The following RAD51B variants were observed in gnomAD, a reference collection of about 807,000 sequenced individuals.
The protein encoded by RAD51B is DNA repair protein RAD51 homolog 2.
Under a neutral mutation model 42.2 loss-of-function variants are expected in RAD51B, and 38 were observed. That is an observed-to-expected ratio of 0.90 (90% confidence interval 0.70 to 1.18). The LOEUF (loss-of-function observed/expected upper bound fraction) is 1.18, where lower values mean the gene tolerates loss of function less well. Ranked by LOEUF, RAD51B falls within the 50% of genes most tolerant of loss-of-function variation. The pLI, the probability that RAD51B is intolerant of heterozygous loss-of-function variation, is 0.00. For synonymous variants in RAD51B, 154 were observed against 145.2 expected (o/e 1.06, Z -0.43); for missense variants, 373 against 400.7 (o/e 0.93, Z 0.59).
chr14:67,882,399 T>C (rs1340502700), intron 5 of RAD51B, among the ~76,000 whole-genome samples: 3 of 152,210 alleles, frequency 2.0e-5, no homozygotes, highest in African/African-American at 7.2e-5. Flanking sequence ...ATCCCAGAAC[T>C]CAGTCCTAGG....
At chr14:68,207,760 A>G (rs1244088201) in intron 7 of RAD51B, among the ~76,000 whole-genome samples, 1 of 152,204 alleles carries the variant, frequency 6.6e-6, no homozygotes, top group Non-Finnish European at 1.5e-5. Context: ...AGAATAGTCA[A>G]GGAAAATTGA....
At chr14:68,450,041 G>A (rs895574454) in intron 9 of RAD51B, among the ~76,000 whole-genome samples, 8 of 152,022 alleles carry the variant, frequency 5.3e-5, no homozygotes, top group African/African-American at 1.9e-4. Flanking sequence ...GGGTACCCTA[G>A]GGGAACAAAG....
rs17828229 is a variant in RAD51B, at chr14:68,350,216, C to T, written c.853+58236C>T. ...GAACTAGACTATTAGGGCTTGTTAACGCTGGATAAACTTGAGCCCTATAAC... is the reference window on the plus strand; with the variant it reads ...GAACTAGACTATTAGGGCTTGTTAATGCTGGATAAACTTGAGCCCTATAAC... On this transcript the variant is annotated intron_variant, in intron 8 of 10. Transcript: ENST00000471583. Among the ~76,000 whole-genome samples, 681 of 152,298 alleles carry T rather than the reference C, an allele frequency of 4.5e-3. 2 individuals carry two copies. Among genetic ancestry groups the T allele is most frequent in the Non-Finnish European group, 7.3e-3 (496 of 68,028 alleles).
At chr14:67,848,721 C>T (rs890836547) in intron 4 of RAD51B, among the ~76,000 whole-genome samples, 4 of 152,090 alleles carry the variant, frequency 2.6e-5, no homozygotes, top group South Asian at 2.1e-4. Context: ...TAGCAGGTGT[C>T]GTTCTTACCA....
At chr14:68,108,861 T>C (rs2077417503) in intron 7 of RAD51B, among the ~76,000 whole-genome samples, 1 of 151,966 alleles carries the variant, frequency 6.6e-6, no homozygotes, top group African/African-American at 2.4e-5. Context: ...ACTTCAATTA[T>C]CTGTTTGTGT....
chr14:68,316,863 C>G (rs1327197062), intron 8 of RAD51B, among the ~76,000 whole-genome samples: 5 of 151,918 alleles, frequency 3.3e-5, no homozygotes, highest in Non-Finnish European at 7.4e-5. Flanking sequence ...TAAAATTCAC[C>G]CATTGTAAGT....
chr14:68,661,886 GTCC>G (rs2140146695), intron 11 of RAD51B, among the ~76,000 whole-genome samples: 1 of 152,256 alleles, frequency 6.6e-6, no homozygotes, highest in East Asian at 1.9e-4. Context: ...CTCTCTTTCT[GTCC>G]TCCACCAACA....
At chr14:68,392,929 G>A (rs1415696973) in intron 8 of RAD51B, among the ~76,000 whole-genome samples, 2 of 152,204 alleles carry the variant, frequency 1.3e-5, no homozygotes, top group African/African-American at 4.8e-5. Context: ...CATAGGACAT[G>A]TGTGTGTTTG....
chr14:68,562,810 C>T, intron 10 of RAD51B: 1 of 985,342 alleles, frequency 1.0e-6, no homozygotes, highest in Non-Finnish European at 1.2e-6. Context: ...ACAGACATCA[C>T]AAGGTAAGTA....
At chr14:68,511,624 C>A (rs574976109) in intron 10 of RAD51B, among the ~76,000 whole-genome samples, 18 of 152,312 alleles carry the variant, frequency 1.2e-4, no homozygotes, top group African/African-American at 4.3e-4. Context: ...GACCAGCAGA[C>A]CTTGCTCTCA....
In RAD51B at chr14:68,020,675, ATGT is replaced by A. The variant is rs34387323; in HGVS notation, c.756+133477_756+133479del. Among the ~76,000 whole-genome samples, 564 of 152,206 alleles carry A rather than the reference ATGT, an allele frequency of 3.7e-3. 2 individuals are homozygous for A. Among genetic ancestry groups the A allele is most frequent in the Non-Finnish European group, 6.3e-3 (428 of 68,000 alleles). On this transcript the variant is annotated intron_variant, in intron 7 of 10. Coordinates refer to ENST00000471583, the MANE Select transcript of RAD51B (RefSeq NM_133510.4). ...GGATGATGAAAAGGTTCTGAGATGGATGTTGTTGGTTGCGCAAGACTGTGAATA... is the reference window on the plus strand; with the variant it reads ...GGATGATGAAAAGGTTCTGAGATGGATGTTGGTTGCGCAAGACTGTGAATA...
exon 11 of RAD51B, chr14:68,595,483 A>T: frequency 7.5e-6 from 8 of 1,066,748 alleles, no homozygotes; most frequent in Non-Finnish European, 8.0e-6. Context: ...TCCTAGCTTG[A>T]GTAGATTAAA....
chr14:68,453,971 A>C (rs1393186902), intron 9 of RAD51B, among the ~76,000 whole-genome samples: 1 of 152,230 alleles, frequency 6.6e-6, no homozygotes, highest in African/African-American at 2.4e-5. Context: ...ATTTCCTCAG[A>C]GAGTTAAAGA....
intron 7 of RAD51B, among the ~76,000 whole-genome samples, chr14:68,188,457 A>G (rs2079200826): frequency 6.6e-6 from 1 of 151,572 alleles, no homozygotes; most frequent in African/African-American, 2.4e-5. Flanking sequence ...TTAGGTAAGA[A>G]AGAGTTTTTT....
At chr14:68,195,441 T>C (rs928221433) in intron 7 of RAD51B, among the ~76,000 whole-genome samples, 2 of 152,076 alleles carry the variant, frequency 1.3e-5, no homozygotes, top group African/African-American at 4.8e-5. Flanking sequence ...CTTACTTACC[T>C]CTAATTAACA....
intron 7 of RAD51B, among the ~76,000 whole-genome samples, chr14:68,156,455 T>TTCTCTCTCTCTCTCTCTCTCTCGC (rs2078508772): frequency 8.8e-6 from 1 of 114,266 alleles, no homozygotes; most frequent in African/African-American, 3.5e-5. Flanking sequence ...CTTAGAAAAT[T>TTCTCTCTCTCTCTCTCTCTCTCGC]TCTCTCTCTC....
chr14:68,062,730 A>G (rs1302084778), intron 7 of RAD51B, among the ~76,000 whole-genome samples: 1 of 150,448 alleles, frequency 6.6e-6, no homozygotes, highest in East Asian at 1.9e-4. Context: ...AATCACTTGA[A>G]CCTAGGGGGC....
chr14:67,966,004 A>G lies in RAD51B; in HGVS notation c.756+78800A>G, dbSNP rs562199662. On this transcript the variant is annotated intron_variant, in intron 7 of 10. Transcript: ENST00000471583. ...ATAGCAGTGATTAAATTGGTTTGCA[A>G]TAGTATTAAATGAATGCCTCCTTCC... Among the ~76,000 whole-genome samples the G allele has an allele frequency of 2.6e-4, 40 of 152,328 alleles. No homozygotes were observed. The South Asian group carries it at 8.3e-3, about 32-fold the overall frequency.
At chr14:68,548,183 C>T (rs1014545208) in intron 10 of RAD51B, among the ~76,000 whole-genome samples, 4 of 152,226 alleles carry the variant, frequency 2.6e-5, no homozygotes, top group African/African-American at 9.6e-5. Flanking sequence ...CCGAGGCTTC[C>T]TCACCCACCA....
Sources: allele counts gnomAD v4.1 joint callset (sites outside exome capture counted in the v4.1 genomes callset), GRCh38; gene constraint gnomAD v4.1.1; transcripts MANE v1.5; gene names NCBI Gene and HGNC (gene_info 2026-07-23, HGNC 2026-07-21).